CCSER1: variants seen among roughly 807,000 people sequenced by gnomAD.
CCSER1 encodes the protein coiled-coil serine rich protein 1.
In CCSER1, 41 loss-of-function variants were observed where a neutral mutation model predicts 82.0. The ratio of observed to expected loss-of-function variants is 0.50; its 90% CI spans 0.39 to 0.65. The LOEUF (loss-of-function observed/expected upper bound fraction) is 0.65, where lower values mean the gene tolerates loss of function less well. Among genes scored for constraint, CCSER1 ranks in the 30% least tolerant of loss-of-function variants. The pLI is 0.00. For missense variants in CCSER1, 1,119 were observed against 1,064.2 expected (o/e 1.05, Z -0.72); for synonymous variants, 414 against 383.9 (o/e 1.08, Z -0.92).
intron 10 of CCSER1, among the ~76,000 whole-genome samples, chr4:91,279,883 T>G (rs1376693239): frequency 1.3e-5 from 2 of 151,920 alleles, no homozygotes; most frequent in African/African-American, 4.9e-5. Flanking sequence ...TTCTATTTTT[T>G]GAATATTTTT....
intron 5 of CCSER1, among the ~76,000 whole-genome samples, chr4:90,547,719 A>G (rs924409660): frequency 7.2e-5 from 11 of 152,130 alleles, no homozygotes; most frequent in African/African-American, 2.7e-4. Flanking sequence ...TATCAGATAT[A>G]TTTTCACTGA....
In CCSER1 at chr4:90,483,915, G is replaced by T. The variant is rs542381466; in HGVS notation, c.1724+15561G>T. ...TCTGTATTCACTGAATGTGAATGTT[G>T]GCCTGCCTTGCTAGATTGGGGAAGT... On this transcript the variant is annotated intron_variant, in intron 5 of 10. Transcript: ENST00000509176. Among the ~76,000 whole-genome samples the T allele has an allele frequency of 2.0e-5, 3 of 152,212 alleles. No individual in the cohort carries two copies. In the South Asian group the frequency reaches 6.2e-4, roughly 32 times the overall value.
chr4:90,152,922 A>G (rs965868850), intron 1 of CCSER1, among the ~76,000 whole-genome samples: 22 of 150,540 alleles, frequency 1.5e-4, no homozygotes, highest in Admixed American at 2.0e-4. Context: ...TTTAGGGTAC[A>G]TGTGCACAAT....
At chr4:90,669,779 ATATTAAG>A (rs1284394328) in intron 6 of CCSER1, among the ~76,000 whole-genome samples, 23 of 152,162 alleles carry the variant, frequency 1.5e-4, no homozygotes, top group African/African-American at 5.5e-4. Context: ...GATATAAGTT[ATATTAAG>A]TATTAATACT....
chr4:90,703,236 T>C (rs1414264941), intron 6 of CCSER1, among the ~76,000 whole-genome samples: 1 of 152,216 alleles, frequency 6.6e-6, no homozygotes, highest in African/African-American at 2.4e-5. Flanking sequence ...ATGTACCCAG[T>C]AGTTGTTCAG....
chr4:90,807,917 C>T (rs1490852037), intron 7 of CCSER1, among the ~76,000 whole-genome samples: 2 of 151,764 alleles, frequency 1.3e-5, no homozygotes, highest in Non-Finnish European at 2.9e-5. Context: ...TATGTGGAAC[C>T]AAAAAAGAGT....
chr4:91,011,380 C>CA (rs1368854216), intron 9 of CCSER1, among the ~76,000 whole-genome samples: 6 of 134,342 alleles, frequency 4.5e-5, no homozygotes, highest in African/African-American at 1.5e-4. Flanking sequence ...CAAGCTGTGA[C>CA]ATGGCCTACA....
chr4:90,569,215 A>G (rs1387366526), intron 5 of CCSER1, among the ~76,000 whole-genome samples: 1 of 152,130 alleles, frequency 6.6e-6, no homozygotes, highest in Non-Finnish European at 1.5e-5. Flanking sequence ...ACTTTATTTC[A>G]AAAACAATAC....
intron 10 of CCSER1, among the ~76,000 whole-genome samples, chr4:91,245,155 C>T (rs1354722987): frequency 1.3e-5 from 2 of 151,950 alleles, no homozygotes; most frequent in African/African-American, 4.8e-5. Flanking sequence ...GGAAAATAGC[C>T]TCAAACAGGC....
intron 10 of CCSER1, among the ~76,000 whole-genome samples, chr4:91,528,155 A>C (rs189280354): frequency 1.3e-5 from 2 of 152,206 alleles, no homozygotes; most frequent in Admixed American, 6.5e-5. Flanking sequence ...TCCTGACCTC[A>C]AGGAATGCAC....
chr4:90,630,892 T>TATTATTATC (rs1378924356), intron 6 of CCSER1, among the ~76,000 whole-genome samples: 1 of 148,522 alleles, frequency 6.7e-6, no homozygotes, highest in Admixed American at 6.8e-5. Flanking sequence ...TTATTATTAT[T>TATTATTATC]ATTATTATTA....
At chr4:90,665,572 C>T (rs911062328) in intron 6 of CCSER1, among the ~76,000 whole-genome samples, 17 of 152,064 alleles carry the variant, frequency 1.1e-4, no homozygotes, top group Admixed American at 8.5e-4. Flanking sequence ...CCACCCGCCT[C>T]GGCCTCCCAA....
chr4:90,694,797 GGTGTGTGT>G (rs112192037), intron 6 of CCSER1, among the ~76,000 whole-genome samples: 17 of 145,436 alleles, frequency 1.2e-4, no homozygotes, highest in East Asian at 4.0e-4. Flanking sequence ...GTGTGTGTGG[GGTGTGTGT>G]GTGTGTGTGT....
intron 10 of CCSER1, among the ~76,000 whole-genome samples, chr4:91,304,593 A>C (rs1210530230): frequency 6.6e-6 from 1 of 152,000 alleles, no homozygotes. Context: ...CACATCACAT[A>C]CGTTCCTCTT....
intron 7 of CCSER1, among the ~76,000 whole-genome samples, chr4:90,786,747 C>G (rs1330246157): frequency 2.0e-5 from 3 of 152,196 alleles, no homozygotes; most frequent in Non-Finnish European, 1.5e-5. Flanking sequence ...GTTCCCCACA[C>G]AGAGCAGCAG....
intron 10 of CCSER1, among the ~76,000 whole-genome samples, chr4:91,543,809 G>A (rs1428434043): frequency 6.6e-6 from 1 of 152,098 alleles, no homozygotes; most frequent in Non-Finnish European, 1.5e-5. Flanking sequence ...GAGTATCTTT[G>A]TGGCGTTCTC....
intron 9 of CCSER1, among the ~76,000 whole-genome samples, chr4:91,060,833 C>T (rs186162540): frequency 6.2e-4 from 94 of 152,058 alleles, no homozygotes; most frequent in African/African-American, 2.2e-3. Flanking sequence ...ACTTTATTGA[C>T]CATAGTTTTT....
intron 6 of CCSER1, among the ~76,000 whole-genome samples, chr4:90,711,050 C>T (rs557410619): frequency 3.3e-5 from 5 of 152,152 alleles, no homozygotes; most frequent in Non-Finnish European, 4.4e-5. Flanking sequence ...CTTCACTTCC[C>T]TTGTTAGCTG....
chr4:91,233,490 G>A (rs1162164424), intron 10 of CCSER1, among the ~76,000 whole-genome samples: 1 of 151,870 alleles, frequency 6.6e-6, no homozygotes, highest in Non-Finnish European at 1.5e-5. Flanking sequence ...AAAACCTAAT[G>A]CCTAATTTAA....
Sources: allele counts gnomAD v4.1 joint callset (sites outside exome capture counted in the v4.1 genomes callset), GRCh38; gene constraint gnomAD v4.1.1; transcripts MANE v1.5; gene names NCBI Gene and HGNC (gene_info 2026-07-23, HGNC 2026-07-21).